The following MAPK10 variants were observed in gnomAD, a reference collection of about 807,000 sequenced individuals.
The protein encoded by MAPK10 is mitogen-activated protein kinase 10.
Under a neutral mutation model 59.3 loss-of-function variants are expected in MAPK10, and 25 were observed. That is an observed-to-expected ratio of 0.42 (90% CI 0.31 to 0.59). MAPK10 has a LOEUF of 0.59. Ranked by LOEUF, MAPK10 falls within the 20% of genes least tolerant of loss-of-function variation. MAPK10 has a pLI of 0.15. For missense variants in MAPK10, 351 were observed against 568.9 expected (o/e 0.62, Z 3.90); for synonymous variants, 190 against 200.5 (o/e 0.95, Z 0.44).
At chr4:86,472,570 G>T (rs1206194957) in intron 1 of MAPK10, among the ~76,000 whole-genome samples, 1 of 152,092 alleles carries the variant, frequency 6.6e-6, no homozygotes, top group African/African-American at 2.4e-5. Flanking sequence ...CTTGAGCCAG[G>T]CAGGTTGAGC....
chr4:86,531,793 C>T (rs1293816393), intron 1 of MAPK10, among the ~76,000 whole-genome samples: 1 of 152,088 alleles, frequency 6.6e-6, no homozygotes, highest in African/African-American at 2.4e-5. Context: ...GAAGGCTGGA[C>T]ATTAGGCCAG....
intron 1 of MAPK10, among the ~76,000 whole-genome samples, chr4:86,401,334 A>G (rs1183998624): frequency 1.3e-5 from 2 of 152,172 alleles, no homozygotes; most frequent in Non-Finnish European, 2.9e-5. Flanking sequence ...ATCAGCAATA[A>G]TGGTTTGAAC....
At chr4:86,524,529 C>A (rs1406252895) in intron 1 of MAPK10, among the ~76,000 whole-genome samples, 1 of 152,166 alleles carries the variant, frequency 6.6e-6, no homozygotes, top group Non-Finnish European at 1.5e-5. Context: ...TCCTAGTTAT[C>A]TCCATTGTCT....
At chr4:86,077,567 C>A (rs1033874226) in intron 9 of MAPK10, among the ~76,000 whole-genome samples, 5 of 152,062 alleles carry the variant, frequency 3.3e-5, no homozygotes, top group Admixed American at 3.3e-4. Context: ...ATGACTATAT[C>A]TTCTGTTTAT....
At chr4:86,072,425 C>T (rs1406829689) in intron 9 of MAPK10, among the ~76,000 whole-genome samples, 4 of 143,556 alleles carry the variant, frequency 2.8e-5, no homozygotes, top group Non-Finnish European at 6.1e-5. Flanking sequence ...ACTTCCAACA[C>T]TATGTTGAAT....
chr4:86,094,884 C>T lies in MAPK10; in HGVS notation c.802+3640G>A, dbSNP rs561852160. ...ACTCTCTAACTTGAAAGTCAGCATG[C>T]GTTTAAGAATGTTTAAAGAATGTTT... On this transcript the variant is annotated intron_variant, in intron 9 of 13. Transcript: ENST00000641462. 5.9e-5 allele frequency among the ~76,000 whole-genome samples: 9 copies of T among 151,520 alleles called. No homozygotes were observed. The East Asian group carries it at 9.7e-4, about 16-fold the overall frequency.
At chr4:86,174,363 A>G (rs116393568) in intron 3 of MAPK10, among the ~76,000 whole-genome samples, 12,893 of 152,200 alleles carry the variant, frequency 0.085, 1,212 homozygotes, top group African/African-American at 0.23. Flanking sequence ...GCAAACTAAC[A>G]TAGGAATAGA....
chr4:86,203,386 C>A (rs960286783), intron 2 of MAPK10, among the ~76,000 whole-genome samples: 1 of 151,678 alleles, frequency 6.6e-6, no homozygotes, highest in Non-Finnish European at 1.5e-5. Flanking sequence ...TGTTTAAATT[C>A]TTGTGTATCT....
intron 2 of MAPK10, among the ~76,000 whole-genome samples, chr4:86,205,354 T>C (rs1165190796): frequency 1.3e-5 from 2 of 151,970 alleles, no homozygotes; most frequent in Non-Finnish European, 2.9e-5. Context: ...ATTAAAACAA[T>C]TATAAGACTA....
chr4:86,109,411 A>G lies in MAPK10; in HGVS notation c.237-2059T>C, dbSNP rs544455645. The stretch of plus-strand genomic sequence containing the variant: ...TGCTTCCTGGCCCCAACGGGCCCCA[A>G]TGTGTCTGGTTCCCGTCCCTGTGTC... On this transcript the variant is annotated intron_variant, in intron 4 of 13. Coordinates refer to ENST00000641462, the MANE Select transcript of MAPK10 (RefSeq NM_138982.4). 2.7e-3 allele frequency among the ~76,000 whole-genome samples: 413 copies of G among 152,100 alleles called. 1 individual carries two copies. The highest frequency in any genetic ancestry group is 5.4e-3 in the African/African-American group (222 of 41,490).
chr4:86,340,591 C>T (rs544764544), intron 2 of MAPK10: 1 of 152,122 alleles, frequency 6.6e-6, no homozygotes, highest in East Asian at 1.9e-4. Context: ...TTGGGGATTA[C>T]AATTCATCAT....
chr4:86,467,203 C>G (rs1254202187), intron 1 of MAPK10, among the ~76,000 whole-genome samples: 2 of 152,156 alleles, frequency 1.3e-5, no homozygotes, highest in African/African-American at 4.8e-5. Context: ...CAGTAGGCCC[C>G]AACAGACCAA....
chr4:86,069,212 T>C (rs1411654186), intron 9 of MAPK10, among the ~76,000 whole-genome samples: 2 of 152,152 alleles, frequency 1.3e-5, no homozygotes, highest in Non-Finnish European at 2.9e-5. Flanking sequence ...AAACAGTAGA[T>C]AGGAGATTGA....
At chr4:86,203,295 A>T (rs2083059528) in intron 2 of MAPK10, among the ~76,000 whole-genome samples, 1 of 151,982 alleles carries the variant, frequency 6.6e-6, no homozygotes, top group Non-Finnish European at 1.5e-5. Flanking sequence ...AAATACACTT[A>T]AGAATTTATT....
intron 1 of MAPK10, among the ~76,000 whole-genome samples, chr4:86,394,694 T>A (rs1036717077): frequency 1.3e-5 from 2 of 152,214 alleles, no homozygotes; most frequent in African/African-American, 4.8e-5. Flanking sequence ...ATACCATAAA[T>A]GACAGACATT....
At chr4:86,253,852 T>G in intron 2 of MAPK10, among the ~76,000 whole-genome samples, 2 of 65,908 alleles carry the variant, frequency 3.0e-5, no homozygotes, top group Non-Finnish European at 2.7e-5. Context: ...CAATTTCAGC[T>G]CCTGTTATTG....
chr4:86,293,918 C>T (rs1019365543), intron 2 of MAPK10, among the ~76,000 whole-genome samples: 3 of 152,176 alleles, frequency 2.0e-5, no homozygotes, highest in African/African-American at 7.2e-5. Context: ...GACTACATTT[C>T]AACATGGGAT....
chr4:86,528,327 A>G (rs1043829549), intron 1 of MAPK10, among the ~76,000 whole-genome samples: 3 of 152,020 alleles, frequency 2.0e-5, no homozygotes, highest in Admixed American at 1.3e-4. Context: ...ATATAAAGCA[A>G]TTCCATGATA....
intron 9 of MAPK10, among the ~76,000 whole-genome samples, chr4:86,077,062 A>G (rs1440480886): frequency 6.6e-6 from 1 of 152,208 alleles, no homozygotes; most frequent in Non-Finnish European, 1.5e-5. Flanking sequence ...ATTTGACAGT[A>G]AATCACCTGA....
Sources: allele counts gnomAD v4.1 joint callset (sites outside exome capture counted in the v4.1 genomes callset), GRCh38; gene constraint gnomAD v4.1.1; transcripts MANE v1.5; gene names NCBI Gene and HGNC (gene_info 2026-07-23, HGNC 2026-07-21).